TRANK1: variants seen among roughly 807,000 people sequenced by gnomAD.
The protein encoded by TRANK1 is tetratricopeptide repeat and ankyrin repeat containing 1.
A neutral mutation model predicts 266.0 loss-of-function variants in TRANK1; 198 were observed. That is an observed-to-expected ratio of 0.74 (90% CI 0.66 to 0.84). The LOEUF is 0.84. Among genes scored for constraint, TRANK1 ranks in the 40% least tolerant of loss-of-function variants. The pLI is 0.00. For missense variants in TRANK1, 3,326 were observed against 3,634.6 expected (o/e 0.92, Z 2.18); for synonymous variants, 1,396 against 1,384.1 (o/e 1.01, Z -0.19).
At chr3:36,862,941 G>A (rs768439018) in intron 10 of TRANK1, among the ~76,000 whole-genome samples, 5 of 152,034 alleles carry the variant, frequency 3.3e-5, no homozygotes, top group African/African-American at 7.2e-5. Context: ...TAGCCCATTC[G>A]AGTCTGTCAT....
At chr3:36,908,264 A>G in intron 2 of TRANK1, 59 bp downstream of exon 2, 1 of 1,230,948 alleles carries the variant, frequency 8.1e-7, no homozygotes, top group Non-Finnish European at 1.0e-6. Context: ...AAGAAATCAT[A>G]AGGAACAGAG....
At chr3:36,875,515 A>G (rs2125576804) in intron 8 of TRANK1, among the ~76,000 whole-genome samples, 1 of 152,350 alleles carries the variant, frequency 6.6e-6, no homozygotes, top group East Asian at 1.9e-4. Context: ...GCCAAAGCCA[A>G]CACCTTCAGC....
intron 3 of TRANK1, among the ~76,000 whole-genome samples, chr3:36,901,274 A>G (rs764995009): frequency 6.6e-6 from 1 of 152,174 alleles, no homozygotes; most frequent in Non-Finnish European, 1.5e-5. Flanking sequence ...CTCTGAAGAA[A>G]TGAGGACTGC....
rs2079746055 is a variant in TRANK1, at chr3:36,893,783, CT to C, written c.553-800del. ...ACCATGACTGGAGACCCAGTCTCAGCTCCAGCCTCTCTCATGTATGGCTTTT... is the reference window on the plus strand; with the variant it reads ...ACCATGACTGGAGACCCAGTCTCAGCCCAGCCTCTCTCATGTATGGCTTTT... On this transcript the variant is annotated intron_variant, in intron 5 of 23. Transcript: ENST00000645898. 2.0e-5 allele frequency among the ~76,000 whole-genome samples: 3 copies of C among 152,290 alleles called. No individual in the cohort carries two copies. In the South Asian group the frequency reaches 6.2e-4, roughly 32 times the overall value.
chr3:36,944,199 C>G (rs1400174792), intron 1 of TRANK1, among the ~76,000 whole-genome samples: 4 of 152,236 alleles, frequency 2.6e-5, no homozygotes, highest in African/African-American at 9.6e-5. Flanking sequence ...TACCTTCCCC[C>G]TAGACTCGGT....
chr3:36,849,957 A>C, intron 15 of TRANK1: 1 of 927,702 alleles, frequency 1.1e-6, no homozygotes, highest in Non-Finnish European at 1.3e-6. Flanking sequence ...TCCCTGAGCC[A>C]TTGGTGGGAG....
chr3:36,837,386 T>C (rs1168196876), intron 20 of TRANK1, among the ~76,000 whole-genome samples: 3 of 152,144 alleles, frequency 2.0e-5, no homozygotes, highest in Non-Finnish European at 4.4e-5. Context: ...GGGGCCACAC[T>C]TCAAACTTCC....
At chr3:36,901,713 G>A (rs915860394) in intron 3 of TRANK1, among the ~76,000 whole-genome samples, 2 of 152,156 alleles carry the variant, frequency 1.3e-5, no homozygotes, top group Non-Finnish European at 2.9e-5. Flanking sequence ...GGACAATTGC[G>A]GTGGGGAAGG....
At chr3:36,889,782 G>T in intron 8 of TRANK1, 47 bp downstream of exon 8, 2 of 1,496,702 alleles carry the variant, frequency 1.3e-6, no homozygotes, top group South Asian at 2.6e-5. Flanking sequence ...CTCAAAGCCT[G>T]ACACCAGCCA....
intron 5 of TRANK1, among the ~76,000 whole-genome samples, 186 bp downstream of exon 5, chr3:36,895,454 A>G (rs1402925648): frequency 6.6e-6 from 1 of 152,238 alleles, no homozygotes; most frequent in Non-Finnish European, 1.5e-5. Flanking sequence ...CCCATTTTTA[A>G]AAATAAATGG....
At chr3:36,914,507 T>C (rs1239188276) in intron 1 of TRANK1, among the ~76,000 whole-genome samples, 1 of 150,866 alleles carries the variant, frequency 6.6e-6, no homozygotes, top group Non-Finnish European at 1.5e-5. Context: ...ATGATAAAAT[T>C]CACCCATTTT....
rs2079076134 is a variant in TRANK1, at chr3:36,857,574, G to T, written c.2148C>A (p.Thr716=). 6.2e-7 allele frequency: 1 copy of T among 1,613,998 alleles called. No homozygotes were observed. The highest frequency in any genetic ancestry group is 1.3e-5 in the African/African-American group (1 of 75,034). The change falls in exon 13 of 24, where the codon ACC becomes ACA. Residue 716 remains threonine, a synonymous_variant. Transcript: ENST00000645898. This position sits in a 1 kb window ranked among gnomAD's most constrained non-coding sequence, Gnocchi z 4.3. ...SWETLPGTQV[T]RKEPGALRPC... is the part of the protein sequence containing the mutation. ...GCCTGAGAGCTCCAGGCTCCTTCCT[G>T]GTCACCTGGGTACCTGGGAGAGTCT...
intron 1 of TRANK1, among the ~76,000 whole-genome samples, chr3:36,916,805 T>G (rs957799180): frequency 5.3e-5 from 8 of 149,544 alleles, no homozygotes; most frequent in African/African-American, 1.5e-4. Flanking sequence ...TTTTTTTTGT[T>G]TTTTTTTTTG....
intron 3 of TRANK1, among the ~76,000 whole-genome samples, chr3:36,901,566 T>C (rs1028581503): frequency 6.6e-6 from 1 of 152,242 alleles, no homozygotes; most frequent in African/African-American, 2.4e-5. Flanking sequence ...AAGATTCCTT[T>C]GACACATAAA....
At chr3:36,861,520 C>T (rs769773757) in intron 10 of TRANK1, among the ~76,000 whole-genome samples, 1 of 152,018 alleles carries the variant, frequency 6.6e-6, no homozygotes, top group Non-Finnish European at 1.5e-5. Flanking sequence ...TACTGAAATA[C>T]AGAGAGATAC....
Position 36,903,251 on chromosome 3 carries a change from C to A in TRANK1, c.180G>T (p.Val60=), listed in dbSNP as rs772441986. 27 of 1,537,200 alleles carry A rather than the reference C, an allele frequency of 1.8e-5. No individual in the cohort carries two copies. Among genetic ancestry groups the A allele is most frequent in the Non-Finnish European group, 2.2e-5 (25 of 1,146,926 alleles). Reference sequence around the variant, plus strand: ...ATGCATTTGATTTGTTGCACAGCAGCACAGCCAAGTCCCTCGGGGGAACCC... The same window carrying A: ...ATGCATTTGATTTGTTGCACAGCAGAACAGCCAAGTCCCTCGGGGGAACCC... ...QWGVPPRDLA[V]LLCNKSNAFF... Residue 60 remains valine, a synonymous_variant, in exon 3 of 24, where the codon GTG becomes GTT. Coordinates refer to ENST00000645898, the MANE Select transcript of TRANK1 (RefSeq NM_001329998.2).
chr3:36,926,181 C>G (rs1476505186), intron 1 of TRANK1, among the ~76,000 whole-genome samples: 2 of 152,084 alleles, frequency 1.3e-5, no homozygotes, highest in Non-Finnish European at 2.9e-5. Flanking sequence ...TCCTGTCTTC[C>G]TGAGTTTCCT....
chr3:36,872,428 C>T (rs773269391), intron 9 of TRANK1, among the ~76,000 whole-genome samples: 4 of 151,892 alleles, frequency 2.6e-5, no homozygotes, highest in Admixed American at 6.6e-5. Flanking sequence ...AGTCAACTAA[C>T]CCCAAAAGTA....
Position 36,832,504 on chromosome 3 carries a change from C to T in TRANK1, c.7079G>A (p.Arg2360Lys). The change falls in exon 22 of 24, where the codon AGG (arginine) becomes AAG (lysine). Residue 2360 changes from arginine (R) to lysine (K), a missense_variant. Arg to Lys is a conservative substitution (Grantham distance 26). Transcript: ENST00000645898. ...TTCAGACTCTAGAGCTTTGAGTTCCCTGTTGTAGTTGTCCTCCTCCTGGTG... is the reference window on the plus strand; with the variant it reads ...TTCAGACTCTAGAGCTTTGAGTTCCTTGTTGTAGTTGTCCTCCTCCTGGTG... The part of the protein sequence containing the change: ...LLHQEEDNYN[R>K]ELKALESEKD... 1 of 1,613,944 alleles carries T rather than the reference C, an allele frequency of 6.2e-7. No individual in the cohort carries two copies. Among genetic ancestry groups the T allele is most frequent in the Non-Finnish European group, 8.5e-7 (1 of 1,179,884 alleles).
Sources: allele counts gnomAD v4.1 joint callset (sites outside exome capture counted in the v4.1 genomes callset), GRCh38; gene constraint gnomAD v4.1.1; non-coding constraint Gnocchi (gnomAD v3.1); transcripts MANE v1.5; gene names NCBI Gene and HGNC (gene_info 2026-07-23, HGNC 2026-07-21).